Variants in FCAMR observed in about 807,000 individuals in gnomAD.
FCAMR encodes the protein high affinity immunoglobulin alpha and immunoglobulin mu Fc receptor.
Under a neutral mutation model 52.2 loss-of-function variants are expected in FCAMR, and 51 were observed. That is an observed-to-expected ratio of 0.98 (90% CI 0.78 to 1.23). The LOEUF (loss-of-function observed/expected upper bound fraction) is 1.23. Among genes scored for constraint, FCAMR ranks in the 50% most tolerant of loss-of-function variants. The probability of loss-of-function intolerance (pLI) is 0.00; values close to 1 mark genes in which losing one functional copy is unlikely to be tolerated. For synonymous variants in FCAMR, 282 were observed against 262.0 expected, an observed-to-expected ratio of 1.08 and a Z score of -0.74; for missense variants, 719 against 712.6, an observed-to-expected ratio of 1.01 and a Z score of -0.10.
chr1:206,963,429 C>T (rs993470733), intron 4 of FCAMR, among the ~76,000 whole-genome samples: 1 of 152,154 alleles, frequency 6.6e-6, no homozygotes, highest in African/African-American at 2.4e-5. Flanking sequence ...ATACCTTCTC[C>T]GTGGACATCT....
chr1:206,966,977 A>C (rs898130117), intron 3 of FCAMR, 75 bp downstream of exon 3: 1 of 1,454,652 alleles, frequency 6.9e-7, no homozygotes, highest in Non-Finnish European at 9.6e-7. Context: ...CCAGCCTGTG[A>C]GGACCTTTAG....
In FCAMR at chr1:206,970,114, C is replaced by T. The variant is rs774987312; in HGVS notation, c.12G>A (p.Glu4=). The T allele has an allele frequency of 3.1e-6, 5 of 1,614,094 alleles. No individual in the cohort carries two copies. The highest frequency in any genetic ancestry group is 1.1e-5 in the South Asian group (1 of 91,074). The change falls in exon 1 of 8, where the codon GAG becomes GAA. Residue 4 remains glutamate (E), a synonymous_variant. Coordinates refer to ENST00000324852, the MANE Select transcript of FCAMR (RefSeq NM_001170631.2). ...TTTGTTCTCCAGGCTTCACTGTGGC[C>T]TCTCCATCCATCTCAGTCCAGAAAC... MDG[E]ATVKPGEQKE...
At chr1:206,961,487 C>T (rs1324036109) in intron 5 of FCAMR, among the ~76,000 whole-genome samples, 4 of 152,246 alleles carry the variant, frequency 2.6e-5, no homozygotes, top group Admixed American at 6.5e-5. Flanking sequence ...TTCTATCCAG[C>T]TGTCTTGAAT....
rs907112655 is a variant in FCAMR, at chr1:206,966,970, G to A, written c.169+82C>T. 8 of 1,369,868 alleles carry A rather than the reference G, an allele frequency of 5.8e-6. No homozygotes were observed. In the African/African-American group the frequency reaches 1.1e-4, roughly 20 times the overall value. 84.9% of individuals were successfully genotyped at this position (1,369,868 alleles called of 1,614,324 possible). A position where few individuals can be genotyped will look rare whatever the true frequency, so the allele number is the denominator to read the frequency against. On this transcript the variant is annotated intron_variant, in intron 3 of 7. Coordinates refer to ENST00000324852, the MANE Select transcript of FCAMR (RefSeq NM_001170631.2). ...ATACCTGGACAGTTTTACCATACCA[G>A]CCTGTGAGGACCTTTAGGGCAGCCT...
chr1:206,960,143 G>A (rs529730027), intron 6 of FCAMR: 196 of 503,052 alleles, frequency 3.9e-4, no homozygotes, highest in African/African-American at 3.4e-3. Context: ...TCTCTCCGGA[G>A]CGCCTATTCT....
chr1:206,959,032 C>A, intron 7 of FCAMR: 2 of 476,840 alleles, frequency 4.2e-6, no homozygotes. Context: ...GATCCCAGGT[C>A]TGGGCCCTGC....
intron 2 of FCAMR, among the ~76,000 whole-genome samples, 157 bp from the exon 3 acceptor site, chr1:206,967,269 C>A (rs1680751661): frequency 6.6e-6 from 1 of 152,180 alleles, no homozygotes; most frequent in Admixed American, 6.5e-5. Context: ...ACTTCCCTCC[C>A]TGAGAAAGCA....
chr1:206,966,953 A>T, intron 3 of FCAMR, 99 bp downstream of exon 3: 1 of 1,130,642 alleles, frequency 8.8e-7, no homozygotes, highest in Non-Finnish European at 1.3e-6. Context: ...TTATACCTGG[A>T]CAGTTTTACC....
chr1:206,959,660 T>G lies in FCAMR; in HGVS notation c.1573+19A>C. 6.3e-7 allele frequency: 1 copy of G among 1,597,996 alleles called. No homozygotes were observed. The highest frequency in any genetic ancestry group is 8.6e-7 in the Non-Finnish European group (1 of 1,165,526). On this transcript the variant is annotated intron_variant, in intron 7 of 7. Transcript: ENST00000324852. ...GGAACCAGAACTCTTCTATCTAGCC[T>G]TGGGGCTACTCAACTCACAGGTCCT...
chr1:206,958,085 A>T lies in FCAMR; in HGVS notation c.*431T>A, dbSNP rs1680321956. 1 of 154,836 alleles carries T rather than the reference A, an allele frequency of 6.5e-6. No homozygotes were observed. The highest frequency in any genetic ancestry group is 2.0e-4 in the South Asian group (1 of 4,912). 9.6% of individuals were successfully genotyped at this position (154,836 alleles called of 1,614,324 possible). A position where few individuals can be genotyped will look rare whatever the true frequency, so the allele number is the denominator to read the frequency against. ...GAGCTTAGAATCTACTTGAGAAGGCAAGGCTGGTACACTTAAATATAATAC... is the reference window on the plus strand; with the variant it reads ...GAGCTTAGAATCTACTTGAGAAGGCTAGGCTGGTACACTTAAATATAATAC... On this transcript the variant is annotated 3_prime_UTR_variant, in exon 8 of 8. Transcript: ENST00000324852.
intron 2 of FCAMR, 137 bp from the exon 3 acceptor site, chr1:206,967,249 T>C (rs1680750604): frequency 2.5e-6 from 2 of 810,814 alleles, no homozygotes; most frequent in Non-Finnish European, 4.1e-6. Context: ...TATCTGAGAG[T>C]AAGACAAGCA....
chr1:206,958,301 T>C lies in FCAMR; in HGVS notation c.*215A>G, dbSNP rs1680328212. 3.6e-6 allele frequency: 2 copies of C among 552,582 alleles called. No homozygotes were observed. The highest frequency in any genetic ancestry group is 2.6e-5 in the South Asian group (1 of 38,396). 34.2% of individuals were successfully genotyped at this position (552,582 alleles called of 1,614,324 possible). A position where few individuals can be genotyped will look rare whatever the true frequency, so the allele number is the denominator to read the frequency against. ...AGTGTTTCATACACTGTTCTTGAAG[T>C]CTCCTTTGAGTCATCTTGTCACCTT... is the stretch of plus-strand genomic sequence containing the variant. On this transcript the variant is annotated 3_prime_UTR_variant, in exon 8 of 8. Coordinates refer to ENST00000324852, the MANE Select transcript of FCAMR (RefSeq NM_001170631.2).
chr1:206,965,637 T>A (rs1248789803), intron 4 of FCAMR, 78 bp downstream of exon 4: 1 of 1,474,932 alleles, frequency 6.8e-7, no homozygotes, highest in East Asian at 2.5e-5. Flanking sequence ...CCTATAGCTG[T>A]AGGGAGCCTG....
rs1680705875 is a variant in FCAMR at position 206,966,321 on chromosome 1, GGAGATTAAA to G, written c.170-472_170-464del. Among the ~76,000 whole-genome samples the G allele has an allele frequency of 2.0e-5, 3 of 152,214 alleles. No individual in the cohort carries two copies. The South Asian group carries it at 6.2e-4, about 31-fold the overall frequency. On this transcript the variant is annotated intron_variant, in intron 3 of 7. Coordinates refer to ENST00000324852, the MANE Select transcript of FCAMR (RefSeq NM_001170631.2). The stretch of plus-strand genomic sequence containing the variant: ...CTGAAAAATTTTAAAAGGGACAGCA[GGAGATTAAA>G]GAGGTGGTGTGATTTTATCACGCAG...
Position 206,961,052 on chromosome 1 carries a change from G to A in FCAMR, c.824C>T (p.Thr275Ile), listed in dbSNP as rs940097389. 21 of 1,551,802 alleles carry A rather than the reference G, an allele frequency of 1.4e-5. No individual in the cohort carries two copies. In the Admixed American group the frequency reaches 1.4e-4, roughly 10 times the overall value. The change falls in exon 6 of 8, where the codon ACA (threonine) becomes ATA (isoleucine). Residue 275 changes from threonine to isoleucine, a missense_variant. Thr to Ile is a moderately conservative substitution (Grantham distance 89, BLOSUM62 -1). Transcript: ENST00000324852. Reference protein sequence around the residue: ...VASTPGTSKTTASAEGRRTPG... With the variant: ...VASTPGTSKTIASAEGRRTPG... Reference sequence around the variant, plus strand: ...GGTTCGTCTTCCCTCAGCTGAAGCTGTAGTCTTGCTGGTTCCTGGAGTGGA... The same window carrying A: ...GGTTCGTCTTCCCTCAGCTGAAGCTATAGTCTTGCTGGTTCCTGGAGTGGA...
chr1:206,962,100 A>T, intron 5 of FCAMR, 113 bp downstream of exon 5: 3 of 1,060,412 alleles, frequency 2.8e-6, no homozygotes, highest in South Asian at 1.6e-5. Flanking sequence ...CCAGCTTTTC[A>T]TTGTCACTTC....
Position 206,962,540 on chromosome 1 carries a change from A to T in FCAMR, c.325T>A (p.Leu109Met), listed in dbSNP as rs1168490501. 2 of 1,558,604 alleles carry T rather than the reference A, an allele frequency of 1.3e-6. No homozygotes were observed. The highest frequency in any genetic ancestry group is 1.7e-6 in the Non-Finnish European group (2 of 1,148,032). The change falls in exon 5 of 8, where the codon TTG (leucine) becomes ATG (methionine). Residue 109 changes from leucine to methionine, a missense_variant. Coordinates refer to ENST00000324852, the MANE Select transcript of FCAMR (RefSeq NM_001170631.2). The part of the protein sequence containing the change: ...EESSFAAPNS[L>M]KGSRLVSGEP... Reference sequence around the variant, plus strand: ...CCTGACACCAGCCTTGAGCCCTTCAATGAATTTGGAGCTGCAGACAGAGAA... The same window carrying T: ...CCTGACACCAGCCTTGAGCCCTTCATTGAATTTGGAGCTGCAGACAGAGAA...
chr1:206,960,384 G>A, intron 6 of FCAMR, 38 bp downstream of exon 6: 1 of 1,463,048 alleles, frequency 6.8e-7, no homozygotes, highest in South Asian at 1.5e-5. Context: ...TGAGGCAGAT[G>A]TGGGGCCCCC....
intron 7 of FCAMR, among the ~76,000 whole-genome samples, chr1:206,959,342 T>C (rs1416715032): frequency 1.3e-5 from 2 of 151,584 alleles, no homozygotes; most frequent in Admixed American, 6.6e-5. Context: ...CCAGGCATGA[T>C]GGTAAATGCC....
Sources: allele counts gnomAD v4.1 joint callset (sites outside exome capture counted in the v4.1 genomes callset), GRCh38; gene constraint gnomAD v4.1.1; transcripts MANE v1.5; gene names NCBI Gene and HGNC (gene_info 2026-07-23, HGNC 2026-07-21).